ZNF831: variants seen among roughly 807,000 people sequenced by gnomAD.
The protein encoded by ZNF831 is zinc finger protein 831, also known as chromosome 20 open reading frame 174.
ZNF831 carries 59 observed loss-of-function variants against 95.8 expected under a neutral mutation model. The ratio of observed to expected loss-of-function variants is 0.62; its 90% CI spans 0.50 to 0.77. ZNF831 has a LOEUF of 0.77. Among genes scored for constraint, ZNF831 ranks in the 30% least tolerant of loss-of-function variants. ZNF831 has a pLI of 0.00. For missense variants in ZNF831, 2,205 were observed against 2,164.0 expected, an observed-to-expected ratio of 1.02 and a Z score of -0.38; for synonymous variants, 961 against 925.5, an observed-to-expected ratio of 1.04 and a Z score of -0.70.
chr20:59,185,309 C>T (rs551955531), intron 1 of ZNF831, among the ~76,000 whole-genome samples: 32 of 152,300 alleles, frequency 2.1e-4, no homozygotes, highest in African/African-American at 5.8e-4. Flanking sequence ...GCGTCAATTT[C>T]GCAGTGATCA....
At position 59,247,662 on chromosome 20, in the gene ZNF831, G is replaced by A. The variant is rs184601669; in HGVS notation, c.4028-5316G>A. On this transcript the variant is annotated intron_variant, in intron 4 of 5. Coordinates refer to ENST00000371030, the MANE Select transcript of ZNF831 (RefSeq NM_178457.3). ...AATCACAGATTAATTAATAGTCTAG[G>A]AAATTACTCCTATATTCTTGTTTAT... 2.2e-4 allele frequency among the ~76,000 whole-genome samples: 34 copies of A among 152,244 alleles called. No homozygotes were observed. In the East Asian group the frequency reaches 5.4e-3, roughly 24 times the overall value.
rs766941481 is a variant in ZNF831, at chr20:59,195,902, C to A, written c.3772C>A (p.Gln1258Lys). The A allele has an allele frequency of 1.9e-6, 3 of 1,614,160 alleles. No individual in the cohort carries two copies. The South Asian group carries it at 3.3e-5, about 18-fold the overall frequency. The change falls in exon 3 of 6, where the codon CAG becomes AAG. Residue 1258 changes from glutamine (Q) to lysine (K), a missense_variant. Coordinates refer to ENST00000371030, the MANE Select transcript of ZNF831 (RefSeq NM_178457.3). The part of the protein sequence containing the change: ...SYPTVPGVMP[Q>K]HQVSEPEWKK... Reference sequence around the variant, plus strand: ...CCCAACAGTCCCAGGGGTGATGCCCCAGCACCAGGTGTCTGAGCCAGAATG... The same window carrying A: ...CCCAACAGTCCCAGGGGTGATGCCCAAGCACCAGGTGTCTGAGCCAGAATG...
At chr20:59,221,762 G>A (rs1222728925) in intron 4 of ZNF831, among the ~76,000 whole-genome samples, 1 of 152,166 alleles carries the variant, frequency 6.6e-6, no homozygotes, top group Non-Finnish European at 1.5e-5. Flanking sequence ...ACATGAACAA[G>A]TGATTTTTGT....
rs780752101 is a variant in ZNF831, at chr20:59,253,158, G to C, written c.4188+20G>C. ...GTGAAGGTGGGCATGATGATTTTGAGCTGCCTCTACCTATTCCTGGTCTAG... is the reference window on the plus strand; with the variant it reads ...GTGAAGGTGGGCATGATGATTTTGACCTGCCTCTACCTATTCCTGGTCTAG... On this transcript the variant is annotated intron_variant, in intron 5 of 5. Transcript: ENST00000371030. 1 of 1,613,396 alleles carries C rather than the reference G, an allele frequency of 6.2e-7. No homozygotes were observed. Among genetic ancestry groups the C allele is most frequent in the East Asian group, 2.2e-5 (1 of 44,874 alleles).
intron 1 of ZNF831, among the ~76,000 whole-genome samples, chr20:59,140,885 A>T (rs1004441368): frequency 6.6e-6 from 1 of 152,162 alleles, no homozygotes; most frequent in Non-Finnish European, 1.5e-5. Context: ...GGTCTTTTGC[A>T]GAGCAATAGT....
chr20:59,162,680 G>A (rs1481201845), upstream of ZNF831, among the ~76,000 whole-genome samples: 1 of 152,164 alleles, frequency 6.6e-6, no homozygotes, highest in Non-Finnish European at 1.5e-5. Flanking sequence ...ATACCATGCT[G>A]TGTTGGTTAT....
intron 1 of ZNF831, among the ~76,000 whole-genome samples, chr20:59,172,176 A>G (rs903615553): frequency 2.0e-5 from 3 of 152,290 alleles, no homozygotes; most frequent in South Asian, 2.1e-4. Context: ...ATGATTTCCT[A>G]TGATATCATA....
At chr20:59,202,619 A>T (rs1306283745) in intron 3 of ZNF831, among the ~76,000 whole-genome samples, 2 of 151,994 alleles carry the variant, frequency 1.3e-5, no homozygotes, top group Non-Finnish European at 2.9e-5. Flanking sequence ...GGGAGTATTT[A>T]TTTCTAATTC....
intron 4 of ZNF831, among the ~76,000 whole-genome samples, chr20:59,223,068 T>A (rs1986204454): frequency 6.6e-6 from 1 of 151,378 alleles, no homozygotes; most frequent in Admixed American, 6.6e-5. Flanking sequence ...AGAGTAAGAA[T>A]GTTCACGAAG....
In ZNF831 at chr20:59,156,373, A is replaced by G. The variant is rs1980541732; in HGVS notation, c.-1280-3279A>G. Among the ~76,000 whole-genome samples the G allele has an allele frequency of 3.9e-5, 6 of 152,214 alleles. No homozygotes were observed. In the South Asian group the frequency reaches 1.2e-3, roughly 32 times the overall value. Reference sequence around the variant, plus strand: ...AAACCTTGTCTCTACTAAAATAGAAAAAATTAGCCAGGCTTGGTGGTGGGA... The same window carrying G: ...AAACCTTGTCTCTACTAAAATAGAAGAAATTAGCCAGGCTTGGTGGTGGGA... On this transcript the variant is annotated intron_variant, in intron 2 of 7. Coordinates refer to the ZNF831 transcript ENST00000637017.
chr20:59,249,753 C>T (rs1340747102), intron 4 of ZNF831, among the ~76,000 whole-genome samples: 1 of 152,178 alleles, frequency 6.6e-6, no homozygotes, highest in Admixed American at 6.5e-5. Context: ...AATCTAGTAA[C>T]TTACCCCTTG....
In ZNF831 at chr20:59,254,664, A is replaced by G. The variant is rs370583233; in HGVS notation, c.4955A>G (p.Glu1652Gly). ...PSKSLKKRSLEGMRKQTRVEF... is the reference protein window; with the variant it reads ...PSKSLKKRSLGGMRKQTRVEF... The stretch of plus-strand genomic sequence containing the variant: ...AAATCCCTCAAGAAGAGGAGTCTGG[A>G]AGGAATGAGAAAGCAAACTCGAGTA... The change falls in exon 6 of 6, where the codon GAA (glutamate) becomes GGA (glycine). Residue 1652 changes from glutamate (E) to glycine (G), a missense_variant. Transcript: ENST00000371030. The surrounding 1 kb of genome is among the most constrained non-coding windows in gnomAD (Gnocchi z 4.5). 1.4e-5 allele frequency: 23 copies of G among 1,614,174 alleles called. No homozygotes were observed. The African/African-American group carries it at 2.3e-4, about 16-fold the overall frequency.
chr20:59,237,536 G>A (rs1386577772), intron 4 of ZNF831, among the ~76,000 whole-genome samples: 6 of 152,118 alleles, frequency 3.9e-5, no homozygotes, highest in African/African-American at 1.2e-4. Context: ...TAGTAGAGAC[G>A]CGGTTTCACC....
chr20:59,231,764 G>T (rs1166533493), intron 4 of ZNF831, among the ~76,000 whole-genome samples: 3 of 152,160 alleles, frequency 2.0e-5, no homozygotes, highest in Non-Finnish European at 2.9e-5. Flanking sequence ...AAGGAGCAAG[G>T]TCTCCCCTTT....
intron 4 of ZNF831, among the ~76,000 whole-genome samples, chr20:59,233,027 C>T (rs1358110020): frequency 6.8e-6 from 1 of 147,400 alleles, no homozygotes; most frequent in East Asian, 2.0e-4. Flanking sequence ...CACACACACA[C>T]ACACACACAC....
chr20:59,185,104 G>A (rs990852407), intron 1 of ZNF831, among the ~76,000 whole-genome samples: 5 of 152,242 alleles, frequency 3.3e-5, no homozygotes, highest in African/African-American at 1.2e-4. Context: ...GCCTTCTAGC[G>A]AGCTGCTTTC....
In ZNF831 at chr20:59,194,711, G is replaced by A. The variant is rs2146604207; in HGVS notation, c.3692G>A (p.Trp1231Ter). Reference sequence around the variant, plus strand: ...GGCCCTCCTGGGAGCAATGGAGGATGGACCTGGACAAGCCCTGGAGAAGGA... The same window carrying A: ...GGCCCTCCTGGGAGCAATGGAGGATAGACCTGGACAAGCCCTGGAGAAGGA... ...PNGPPGSNGG[W>*]TWTSPGEGGP... Residue 1231 changes from tryptophan to a stop codon, truncating the protein, a stop_gained, in exon 2 of 6, where the codon TGG becomes TAG. Coordinates refer to ENST00000371030, the MANE Select transcript of ZNF831 (RefSeq NM_178457.3). LOFTEE classifies it high-confidence loss of function. 1.9e-6 allele frequency: 3 copies of A among 1,598,266 alleles called. No individual in the cohort carries two copies. The highest frequency in any genetic ancestry group is 2.6e-6 in the Non-Finnish European group (3 of 1,173,502).
intron 1 of ZNF831, among the ~76,000 whole-genome samples, chr20:59,171,128 G>C (rs367697734): frequency 1.2e-4 from 19 of 152,320 alleles, no homozygotes; most frequent in Middle Eastern, 3.4e-3. Context: ...GTTGCAGAGG[G>C]AGTGAGTCCT....
chr20:59,151,976 A>T (rs987726446), intron 2 of ZNF831, among the ~76,000 whole-genome samples: 1 of 152,180 alleles, frequency 6.6e-6, no homozygotes, highest in African/African-American at 2.4e-5. Context: ...TGTCTTTGCC[A>T]GTCTCTGGCT....
Sources: gnomAD v4.1 joint callset for allele counts (sites outside exome capture counted in the v4.1 genomes callset) on GRCh38, gnomAD v4.1.1 for gene constraint, Gnocchi (gnomAD v3.1) non-coding constraint, MANE v1.5 for transcripts, NCBI Gene and HGNC (gene_info 2026-07-23, HGNC 2026-07-21) for gene names.